Variants in DLG2 observed in about 807,000 individuals in gnomAD.
DLG2 encodes discs large MAGUK scaffold protein 2.
DLG2 carries 45 observed loss-of-function variants against 132.5 expected under a neutral mutation model. The observed-to-expected ratio is 0.34, with a 90% CI of 0.27 to 0.44. The LOEUF is 0.44. DLG2 is among the 20% of genes least tolerant of loss of function. The probability of loss-of-function intolerance (pLI) is 1.00; values close to 1 mark genes in which losing one functional copy is unlikely to be tolerated. For missense variants in DLG2, 1,045 were observed against 1,196.9 expected (o/e 0.87, Z 1.87); for synonymous variants, 424 against 419.6 (o/e 1.01, Z -0.13).
chr11:84,315,108 A>T (rs1393429713), intron 7 of DLG2, among the ~76,000 whole-genome samples: 1 of 152,138 alleles, frequency 6.6e-6, no homozygotes, highest in Non-Finnish European at 1.5e-5. Flanking sequence ...TGGCTACCTC[A>T]ATTTGTTGCC....
At chr11:84,872,223 T>C (rs373175607) in intron 6 of DLG2, among the ~76,000 whole-genome samples, 21 of 152,294 alleles carry the variant, frequency 1.4e-4, no homozygotes, top group African/African-American at 5.1e-4. Context: ...TGGAAGTAGA[T>C]TCCTATTGTT....
intron 6 of DLG2, among the ~76,000 whole-genome samples, chr11:84,852,403 C>T (rs1328103878): frequency 6.6e-6 from 1 of 152,032 alleles, no homozygotes; most frequent in Non-Finnish European, 1.5e-5. Context: ...TGTAAACTCA[C>T]ATGCTAACAC....
At chr11:84,428,245 A>T (rs1197279647) in intron 7 of DLG2, among the ~76,000 whole-genome samples, 1 of 152,174 alleles carries the variant, frequency 6.6e-6, no homozygotes, top group Non-Finnish European at 1.5e-5. Flanking sequence ...ACTCTGCTGA[A>T]TCCATGTGTT....
At chr11:85,479,403 C>G (rs936927060) in intron 3 of DLG2, among the ~76,000 whole-genome samples, 1 of 152,184 alleles carries the variant, frequency 6.6e-6, no homozygotes, top group African/African-American at 2.4e-5. Context: ...CATGAGGGTT[C>G]CACCCTATCA....
At chr11:84,573,210 T>G (rs1273479834) in intron 6 of DLG2, among the ~76,000 whole-genome samples, 1 of 152,126 alleles carries the variant, frequency 6.6e-6, no homozygotes, top group Non-Finnish European at 1.5e-5. Flanking sequence ...TGAGATAATT[T>G]TAGTAGCTAA....
chr11:84,895,238 A>G (rs1404439084), intron 6 of DLG2, among the ~76,000 whole-genome samples: 1 of 152,146 alleles, frequency 6.6e-6, no homozygotes, highest in Non-Finnish European at 1.5e-5. Flanking sequence ...GTAAAAAATA[A>G]ATAGAAGAAG....
chr11:83,833,163 C>G (rs1052075448), intron 17 of DLG2, among the ~76,000 whole-genome samples: 2 of 152,194 alleles, frequency 1.3e-5, no homozygotes, highest in Non-Finnish European at 2.9e-5. Flanking sequence ...GTAGACCATG[C>G]TTGATGGCTC....
At chr11:85,374,549 T>C (rs1441506419) in intron 3 of DLG2, among the ~76,000 whole-genome samples, 1 of 152,110 alleles carries the variant, frequency 6.6e-6, no homozygotes, top group East Asian at 1.9e-4. Flanking sequence ...ATGTTGGCCA[T>C]GGTTGGCCAG....
chr11:85,338,728 C>T (rs1265676140), intron 3 of DLG2, among the ~76,000 whole-genome samples: 2 of 122,156 alleles, frequency 1.6e-5, no homozygotes, highest in Non-Finnish European at 3.3e-5. Context: ...TTTTTTGAGA[C>T]GGAGTCTTGC....
chr11:85,280,682 A>G (rs2152751585), intron 4 of DLG2, among the ~76,000 whole-genome samples: 1 of 152,138 alleles, frequency 6.6e-6, no homozygotes, highest in South Asian at 2.1e-4. Flanking sequence ...ATGAAGCAGA[A>G]AACTCACCAT....
chr11:84,574,647 A>C (rs939981035), intron 6 of DLG2, among the ~76,000 whole-genome samples: 2 of 152,200 alleles, frequency 1.3e-5, no homozygotes, highest in African/African-American at 4.8e-5. Context: ...GTTAGCACAT[A>C]CTTTACTATG....
rs533793371 is a variant in DLG2, at chr11:83,920,501, C to T, written c.1496+9827G>A. ...TCATCTCCCTTCACAATTCACTGGA[C>T]TCACTATTAAGTTATGAATGGAAAC... On this transcript the variant is annotated intron_variant, in intron 15 of 27. Coordinates refer to ENST00000376104, the MANE Select transcript of DLG2 (RefSeq NM_001142699.3). 2.9e-4 allele frequency among the ~76,000 whole-genome samples: 44 copies of T among 152,202 alleles called. 2 individuals are homozygous for T. The highest frequency in any genetic ancestry group is 1.0e-3 in the African/African-American group (43 of 41,528).
intron 3 of DLG2, among the ~76,000 whole-genome samples, chr11:85,480,177 G>A (rs998760979): frequency 3.3e-5 from 5 of 152,088 alleles, no homozygotes; most frequent in Admixed American, 1.3e-4. Flanking sequence ...AGTATAAATC[G>A]GCACAATCAC....
chr11:85,466,556 T>G (rs879423558), intron 3 of DLG2, among the ~76,000 whole-genome samples: 15 of 152,214 alleles, frequency 9.9e-5, no homozygotes, highest in Non-Finnish European at 5.9e-5. Context: ...GCACCATTTA[T>G]TAAATAAGGA....
chr11:84,493,849 C>T (rs1044310531), intron 7 of DLG2, among the ~76,000 whole-genome samples: 15 of 152,140 alleles, frequency 9.9e-5, no homozygotes, highest in African/African-American at 3.6e-4. Flanking sequence ...CTTCACATCT[C>T]TTCAATAATT....
intron 8 of DLG2, among the ~76,000 whole-genome samples, chr11:84,173,599 A>ATCTAACCAG (rs1479039563): frequency 6.6e-6 from 1 of 152,214 alleles, no homozygotes; most frequent in Non-Finnish European, 1.5e-5. Context: ...GATAGTCAAG[A>ATCTAACCAG]ATATTTTCTT....
chr11:85,479,368 CT>C (rs796613475), intron 3 of DLG2, among the ~76,000 whole-genome samples: 4 of 152,302 alleles, frequency 2.6e-5, no homozygotes, highest in African/African-American at 9.6e-5. Flanking sequence ...TCTAGGACCT[CT>C]TTCCTAAAGG....
At chr11:85,555,102 T>C (rs991105023) in intron 3 of DLG2, among the ~76,000 whole-genome samples, 10 of 151,860 alleles carry the variant, frequency 6.6e-5, no homozygotes, top group African/African-American at 2.4e-4. Flanking sequence ...TAAACTCTAC[T>C]GCAATAACAC....
intron 6 of DLG2, among the ~76,000 whole-genome samples, chr11:84,696,696 C>T (rs113792364): frequency 1.7e-4 from 25 of 151,004 alleles, no homozygotes; most frequent in Admixed American, 1.3e-4. Context: ...TGTAGACATA[C>T]GGAGGAAGAA....
Sources: allele counts gnomAD v4.1 joint callset (sites outside exome capture counted in the v4.1 genomes callset), GRCh38; gene constraint gnomAD v4.1.1; transcripts MANE v1.5; gene names NCBI Gene and HGNC (gene_info 2026-07-23, HGNC 2026-07-21).